The following GRIK4 variants were observed in gnomAD, a reference collection of about 807,000 sequenced individuals.
GRIK4 encodes glutamate receptor ionotropic, kainate 4.
GRIK4 carries 40 observed loss-of-function variants against 104.9 expected under a neutral mutation model. That is an observed-to-expected ratio of 0.38 (90% CI 0.30 to 0.50). The LOEUF is 0.50. Among genes scored for constraint, GRIK4 ranks in the 20% least tolerant of loss-of-function variants. The pLI is 0.93. For missense variants in GRIK4, 1,047 were observed against 1,308.1 expected (o/e 0.80, Z 3.08); for synonymous variants, 485 against 524.9 (o/e 0.92, Z 1.04).
chr11:120,521,693 G>C lies in GRIK4; in HGVS notation c.-159+9806G>C, dbSNP rs376189567. 1.1e-3 allele frequency among the ~76,000 whole-genome samples: 172 copies of C among 152,246 alleles called. 1 individual carries two copies. Among genetic ancestry groups the C allele is most frequent in the Non-Finnish European group, 2.0e-3 (135 of 68,020 alleles). On this transcript the variant is annotated intron_variant, in intron 1 of 20. Coordinates refer to ENST00000527524, the MANE Select transcript of GRIK4 (RefSeq NM_014619.5). ...ATTCCCAAGGTAGAGAATATCACACGGAAGAAAGCAGCACTTGTCAGGTAA... is the reference window on the plus strand; with the variant it reads ...ATTCCCAAGGTAGAGAATATCACACCGAAGAAAGCAGCACTTGTCAGGTAA...
At chr11:120,789,576 C>T (rs982024887) in intron 3 of GRIK4, among the ~76,000 whole-genome samples, 4 of 152,140 alleles carry the variant, frequency 2.6e-5, no homozygotes, top group African/African-American at 7.2e-5. Context: ...GGAGTGATCG[C>T]CCTAAAATGC....
Position 120,688,399 on chromosome 11 carries a change from T to C in GRIK4, c.82+27999T>C, listed in dbSNP as rs115271405. On this transcript the variant is annotated intron_variant, in intron 3 of 20. Transcript: ENST00000527524. ...AAGAGCAGCTCTTAGCTGGGTGTCT[T>C]GGTAGCTGGCCCAGCCAACTAGGAG... Among the ~76,000 whole-genome samples the C allele has an allele frequency of 7.9e-3, 1,204 of 152,338 alleles. 16 individuals carry two copies. The highest frequency in any genetic ancestry group is 0.054 in the South Asian group (258 of 4,822).
chr11:120,807,332 G>T (rs953530282), intron 4 of GRIK4, among the ~76,000 whole-genome samples: 1 of 152,210 alleles, frequency 6.6e-6, no homozygotes, highest in Non-Finnish European at 1.5e-5. Flanking sequence ...CCAGCTTGAG[G>T]TTTAATTTCC....
chr11:120,633,043 G>A (rs1949350682), intron 1 of GRIK4, among the ~76,000 whole-genome samples: 1 of 151,998 alleles, frequency 6.6e-6, no homozygotes, highest in Admixed American at 6.6e-5. Flanking sequence ...AACAGATGAT[G>A]GCACCTTGGT....
At chr11:120,889,375 G>C in intron 11 of GRIK4, among the ~76,000 whole-genome samples, 1 of 151,982 alleles carries the variant, frequency 6.6e-6, no homozygotes. Flanking sequence ...GTTTTCACCT[G>C]AATGTCACTT....
chr11:120,613,360 T>C (rs758414516), intron 1 of GRIK4, among the ~76,000 whole-genome samples: 2 of 152,240 alleles, frequency 1.3e-5, no homozygotes, highest in Non-Finnish European at 2.9e-5. Context: ...GTGCTTTCTA[T>C]ACCCTTCAGC....
In GRIK4 at chr11:120,549,363, C is replaced by T. The variant is rs1246937307; in HGVS notation, c.-159+37476C>T. On this transcript the variant is annotated intron_variant, in intron 1 of 20. Transcript: ENST00000527524. The surrounding 1 kb of genome is among the most constrained non-coding windows in gnomAD (Gnocchi z 4.7). ...CCTCATGATGCACCCACCTTGGACTCCCAAAGTGCTGGAATTATAGGCGTG... is the reference window on the plus strand; with the variant it reads ...CCTCATGATGCACCCACCTTGGACTTCCAAAGTGCTGGAATTATAGGCGTG... 2.0e-5 allele frequency among the ~76,000 whole-genome samples: 3 copies of T among 152,188 alleles called. No homozygotes were observed. The highest frequency in any genetic ancestry group is 7.2e-5 in the African/African-American group (3 of 41,446).
intron 3 of GRIK4, among the ~76,000 whole-genome samples, chr11:120,724,727 G>T (rs1011306592): frequency 1.3e-5 from 2 of 152,178 alleles, no homozygotes; most frequent in African/African-American, 2.4e-5. Flanking sequence ...TTTTGTCAAG[G>T]TTTAGTATGC....
chr11:120,906,315 T>G (rs1201020414), intron 13 of GRIK4, among the ~76,000 whole-genome samples: 1 of 152,256 alleles, frequency 6.6e-6, no homozygotes, highest in African/African-American at 2.4e-5. Context: ...GGGTTCTTGA[T>G]GTGCCCTTGA....
intron 13 of GRIK4, among the ~76,000 whole-genome samples, chr11:120,930,339 C>G (rs1488317481): frequency 6.6e-6 from 1 of 152,220 alleles, no homozygotes; most frequent in African/African-American, 2.4e-5. Context: ...GATATGCACA[C>G]AAATGTAAAC....
At chr11:120,982,333 A>G in intron 20 of GRIK4, 109 bp downstream of exon 20, 1 of 710,002 alleles carries the variant, frequency 1.4e-6, no homozygotes, top group East Asian at 2.5e-5. Flanking sequence ...AGTGCAGCAA[A>G]GAGAATCCCA....
chr11:120,927,979 G>A (rs530858510), intron 13 of GRIK4, among the ~76,000 whole-genome samples: 47 of 152,230 alleles, frequency 3.1e-4, no homozygotes, highest in Middle Eastern at 3.4e-3. Flanking sequence ...TTGGGAGGCC[G>A]AGGCAGGCGG....
intron 1 of GRIK4, among the ~76,000 whole-genome samples, chr11:120,570,324 C>A (rs1335265957): frequency 6.6e-6 from 1 of 152,210 alleles, no homozygotes; most frequent in African/African-American, 2.4e-5. Flanking sequence ...TGTCCCTCAA[C>A]CTCCCTTTTT....
chr11:120,850,869 T>C (rs1953958438), intron 8 of GRIK4, among the ~76,000 whole-genome samples: 1 of 151,276 alleles, frequency 6.6e-6, no homozygotes, highest in African/African-American at 2.4e-5. Context: ...CAAGCACCAT[T>C]AGGAGTAGCA....
At chr11:120,753,898 C>T (rs972062505) in intron 3 of GRIK4, among the ~76,000 whole-genome samples, 15 of 152,150 alleles carry the variant, frequency 9.9e-5, no homozygotes, top group African/African-American at 2.9e-4. Flanking sequence ...TCATCACAAT[C>T]ACTTTTCCAA....
intron 1 of GRIK4, among the ~76,000 whole-genome samples, chr11:120,600,110 C>T (rs1280065675): frequency 6.6e-6 from 1 of 152,156 alleles, no homozygotes; most frequent in African/African-American, 2.4e-5. Context: ...GTAGTGCTGG[C>T]AGCCCTGATT....
In GRIK4 at chr11:120,549,347, G is replaced by A. The variant is rs116039770; in HGVS notation, c.-159+37460G>A. Among the ~76,000 whole-genome samples, 2,758 of 152,120 alleles carry A rather than the reference G, an allele frequency of 0.018. 82 individuals are homozygous for A. Among genetic ancestry groups the A allele is most frequent in the African/African-American group, 0.062 (2,551 of 41,478 alleles). On this transcript the variant is annotated intron_variant, in intron 1 of 20. Transcript: ENST00000527524. The surrounding 1 kb of genome is among the most constrained non-coding windows in gnomAD (Gnocchi z 4.7). ...GGTCTCAAACTCTTGACCTCATGATGCACCCACCTTGGACTCCCAAAGTGC... is the reference window on the plus strand; with the variant it reads ...GGTCTCAAACTCTTGACCTCATGATACACCCACCTTGGACTCCCAAAGTGC...
intron 6 of GRIK4, among the ~76,000 whole-genome samples, chr11:120,831,370 C>T (rs1953423799): frequency 6.6e-6 from 1 of 152,174 alleles, no homozygotes; most frequent in Non-Finnish European, 1.5e-5. Context: ...GTAATCCTTG[C>T]CTTGGACCTG....
intron 1 of GRIK4, among the ~76,000 whole-genome samples, chr11:120,574,797 T>C (rs1453014572): frequency 6.6e-6 from 1 of 152,178 alleles, no homozygotes; most frequent in Non-Finnish European, 1.5e-5. Context: ...GGCGCTTTCC[T>C]CTGTGTCTCC....
Sources: allele counts gnomAD v4.1 joint callset (sites outside exome capture counted in the v4.1 genomes callset), GRCh38; gene constraint gnomAD v4.1.1; non-coding constraint Gnocchi (gnomAD v3.1); transcripts MANE v1.5; gene names NCBI Gene and HGNC (gene_info 2026-07-23, HGNC 2026-07-21).